PAN3: variants seen among roughly 807,000 people sequenced by gnomAD.
PAN3 encodes the protein poly(A) specific ribonuclease subunit PAN3, also known as PAN2-PAN3 deadenylation complex subunit PAN3.
Under a neutral mutation model 96.2 loss-of-function variants are expected in PAN3, and 19 were observed. The observed-to-expected ratio is 0.20, with a 90% CI of 0.14 to 0.29. PAN3 has a LOEUF of 0.29. Ranked by LOEUF, PAN3 falls within the 10% of genes least tolerant of loss-of-function variation. PAN3 has a pLI of 1.00. For missense variants in PAN3, 882 were observed against 1,108.1 expected, an observed-to-expected ratio of 0.80 and a Z score of 2.90; for synonymous variants, 433 against 406.6, an observed-to-expected ratio of 1.06 and a Z score of -0.78.
chr13:28,244,991 G>A (rs2138521537), intron 6 of PAN3, among the ~76,000 whole-genome samples: 1 of 152,206 alleles, frequency 6.6e-6, no homozygotes, highest in African/African-American at 2.4e-5. Flanking sequence ...TGGGATTACA[G>A]GCATGCGTCA....
intron 15 of PAN3, 137 bp downstream of exon 15, chr13:28,277,513 G>T (rs954635351): frequency 1.7e-5 from 14 of 838,874 alleles, no homozygotes; most frequent in Non-Finnish European, 2.5e-5. Context: ...TATTTTTATT[G>T]CAAAGTAAAT....
chr13:28,248,326 T>C (rs1403230743), intron 6 of PAN3, among the ~76,000 whole-genome samples: 1 of 152,144 alleles, frequency 6.6e-6, no homozygotes, highest in Admixed American at 6.5e-5. Context: ...GGGTGGAGTC[T>C]TTTGGTGTTT....
intron 1 of PAN3, among the ~76,000 whole-genome samples, chr13:28,140,882 G>A (rs1417509928): frequency 6.6e-6 from 1 of 152,082 alleles, no homozygotes; most frequent in East Asian, 1.9e-4. Flanking sequence ...TCACTTTCGA[G>A]CATCAACTTT....
chr13:28,252,282 A>AGG (rs1566229716), intron 6 of PAN3, among the ~76,000 whole-genome samples: 1 of 142,332 alleles, frequency 7.0e-6, no homozygotes, highest in African/African-American at 2.6e-5. Flanking sequence ...TAACATTGGT[A>AGG]GGGGTTGAGG....
chr13:28,263,469 A>G (rs1885904730), intron 9 of PAN3, among the ~76,000 whole-genome samples: 1 of 152,192 alleles, frequency 6.6e-6, no homozygotes, highest in Non-Finnish European at 1.5e-5. Context: ...AGTAGCTGGG[A>G]CTACAGGTGT....
rs1421178652 is a variant in PAN3, at chr13:28,147,728, T to C, written c.430+8641T>C. ...AAATATGGTTTCTACTGAACTCATA[T>C]CATTTTTCACATCATCATAAAGTCA... On this transcript the variant is annotated intron_variant, in intron 1 of 18. Coordinates refer to ENST00000380958, the MANE Select transcript of PAN3 (RefSeq NM_175854.8). 3.9e-5 allele frequency among the ~76,000 whole-genome samples: 6 copies of C among 152,320 alleles called. No homozygotes were observed. The East Asian group carries it at 9.7e-4, about 25-fold the overall frequency.
At chr13:28,251,283 G>C (rs1884698588) in intron 6 of PAN3, among the ~76,000 whole-genome samples, 1 of 152,132 alleles carries the variant, frequency 6.6e-6, no homozygotes, top group African/African-American at 2.4e-5. Flanking sequence ...TGGACTCTTT[G>C]TTCTTGTGTT....
intron 6 of PAN3, among the ~76,000 whole-genome samples, chr13:28,247,509 C>A (rs1265052399): frequency 6.6e-6 from 1 of 152,026 alleles, no homozygotes; most frequent in Non-Finnish European, 1.5e-5. Context: ...TATCTTTGCC[C>A]AGACTGATGT....
intron 7 of PAN3, among the ~76,000 whole-genome samples, chr13:28,257,730 A>ATATATATTATATATAATTAATATATAT (rs1291580375): frequency 8.8e-6 from 1 of 113,956 alleles, no homozygotes; most frequent in Non-Finnish European, 2.0e-5. Flanking sequence ...AATATATATT[A>ATATATATTATATATAATTAATATATAT]TATATAAATT....
intron 1 of PAN3, among the ~76,000 whole-genome samples, chr13:28,144,718 CTTTTT>C (rs1555267660): frequency 3.0e-4 from 14 of 46,782 alleles, no homozygotes; most frequent in African/African-American, 9.0e-4. Flanking sequence ...AAAACATCAT[CTTTTT>C]TTTTTTTTTT....
intron 5 of PAN3, chr13:28,214,406 G>A (rs1286884): frequency 0.36 from 69,804 of 192,264 alleles, 14,678 homozygotes; most frequent in African/African-American, 0.62. Flanking sequence ...GTATTGATAG[G>A]TGCAGTGAAG....
intron 1 of PAN3, among the ~76,000 whole-genome samples, chr13:28,158,813 G>T (rs1261407061): frequency 6.6e-6 from 1 of 151,834 alleles, no homozygotes; most frequent in Non-Finnish European, 1.5e-5. Flanking sequence ...GGGAGGCGGA[G>T]CTCACAGTGA....
chr13:28,145,252 CGTGT>C (rs112715236), intron 1 of PAN3, among the ~76,000 whole-genome samples: 13 of 151,678 alleles, frequency 8.6e-5, no homozygotes, highest in Non-Finnish European at 1.6e-4. Context: ...TTTGCACTTG[CGTGT>C]GTGTGTGTAT....
intron 9 of PAN3, among the ~76,000 whole-genome samples, chr13:28,263,726 T>C (rs1342207402): frequency 6.6e-6 from 1 of 152,222 alleles, no homozygotes; most frequent in African/African-American, 2.4e-5. Context: ...AGAACTTACA[T>C]GTCTAAAACA....
chr13:28,246,456 C>T (rs1348485207), intron 6 of PAN3, among the ~76,000 whole-genome samples: 2 of 152,116 alleles, frequency 1.3e-5, no homozygotes, highest in Admixed American at 6.5e-5. Flanking sequence ...TTCTTCTCTT[C>T]TAGCTATTTT....
chr13:28,235,741 T>G (rs937127664), intron 6 of PAN3, among the ~76,000 whole-genome samples: 4 of 143,184 alleles, frequency 2.8e-5, no homozygotes, highest in African/African-American at 8.7e-5. Context: ...ATATATGTAT[T>G]TATTTTAGAG....
chr13:28,280,354 T>G (rs1193723345), intron 15 of PAN3, 58 bp from the exon 16 acceptor site: 6 of 1,544,736 alleles, frequency 3.9e-6, no homozygotes, highest in Non-Finnish European at 5.3e-6. Context: ...GTTTGGGTTA[T>G]CTTGTTTTTT....
chr13:28,153,543 C>T (rs1324257879), intron 1 of PAN3, among the ~76,000 whole-genome samples: 1 of 151,848 alleles, frequency 6.6e-6, no homozygotes, highest in Non-Finnish European at 1.5e-5. Flanking sequence ...AGTCGTAATA[C>T]ACTTTTAAAA....
At chr13:28,142,992 T>A (rs886405483) in intron 1 of PAN3, among the ~76,000 whole-genome samples, 1 of 152,180 alleles carries the variant, frequency 6.6e-6, no homozygotes, top group African/African-American at 2.4e-5. Flanking sequence ...ATGAGAAAAC[T>A]TTATCTTTAT....
Sources: allele counts gnomAD v4.1 joint callset (sites outside exome capture counted in the v4.1 genomes callset), GRCh38; gene constraint gnomAD v4.1.1; transcripts MANE v1.5; gene names NCBI Gene and HGNC (gene_info 2026-07-23, HGNC 2026-07-21).